Variants in MRAP2 observed in about 807,000 individuals in gnomAD.
MRAP2 encodes the protein melanocortin 2 receptor accessory protein 2.
Under a neutral mutation model 17.4 loss-of-function variants are expected in MRAP2, and 20 were observed. The ratio of observed to expected loss-of-function variants is 1.15; its 90% confidence interval spans 0.81 to 1.67. MRAP2 has a LOEUF of 1.67. MRAP2 is among the 40% of genes most tolerant of loss of function. MRAP2 has a pLI of 0.00. For missense variants in MRAP2, 238 were observed against 240.0 expected (o/e 0.99, Z 0.05); for synonymous variants, 96 against 88.4 (o/e 1.09, Z -0.48).
At chr6:84,067,321 G>A (rs1425094188) in intron 3 of MRAP2, among the ~76,000 whole-genome samples, 1 of 152,176 alleles carries the variant, frequency 6.6e-6, no homozygotes, top group African/African-American at 2.4e-5. Flanking sequence ...TTGCAATTGT[G>A]AATTGTGCTG....
At chr6:84,125,929 C>T in the MRAP2 span, among the ~76,000 whole-genome samples, 1 of 152,166 alleles carries the variant, frequency 6.6e-6, no homozygotes, top group Non-Finnish European at 1.5e-5. Context: ...AAAAACACAT[C>T]ATGCCCTTAC....
intron 1 of MRAP2, among the ~76,000 whole-genome samples, chr6:84,045,542 C>T (rs1375072457): frequency 1.3e-5 from 2 of 151,768 alleles, no homozygotes. Context: ...GTGGGTGAAT[C>T]GCTTGAGGCC....
In MRAP2 at chr6:84,035,427, G is replaced by A. The variant is rs534108565; in HGVS notation, c.-8+1544G>A. 2.7e-4 allele frequency: 268 copies of A among 984,580 alleles called. 1 individual carries two copies. The highest frequency in any genetic ancestry group is 3.1e-4 in the Non-Finnish European group (260 of 829,322). 61.0% of individuals were successfully genotyped at this position (984,580 alleles called of 1,614,324 possible). A position where few individuals can be genotyped will look rare whatever the true frequency, so the allele number is the denominator to read the frequency against. On this transcript the variant is annotated intron_variant, in intron 1 of 3. Coordinates refer to ENST00000257776, the MANE Select transcript of MRAP2 (RefSeq NM_138409.4). ...CTTCCCTTTTCTAGCAATCTACTGG[G>A]ATATAGATCAGGGTATGCTGTATCC...
At chr6:84,116,349 C>T in the MRAP2 span, among the ~76,000 whole-genome samples, 9 of 152,230 alleles carry the variant, frequency 5.9e-5, no homozygotes, top group East Asian at 1.7e-3. Flanking sequence ...CTCATGAGAT[C>T]TGATGGTTTT....
chr6:84,089,007 G>C, intron 3 of MRAP2, 84 bp from the exon 4 acceptor site: 1 of 1,460,232 alleles, frequency 6.8e-7, no homozygotes, highest in Non-Finnish European at 9.2e-7. Context: ...AAATGTGCTG[G>C]CCTGCCCTAC....
chr6:84,123,253 C>CA, the MRAP2 span, among the ~76,000 whole-genome samples: 30,616 of 119,260 alleles, frequency 0.26, 4,201 homozygotes, highest in East Asian at 0.5. Context: ...CGCCCAACTC[C>CA]AAAAAAAAAA....
chr6:84,125,324 G>C, the MRAP2 span: 1 of 1,514,034 alleles, frequency 6.6e-7, no homozygotes, highest in Non-Finnish European at 9.1e-7. Flanking sequence ...ATAGTGGTGG[G>C]TGAGGAACAT....
chr6:84,100,352 TC>T, the MRAP2 span, among the ~76,000 whole-genome samples: 7 of 152,140 alleles, frequency 4.6e-5, no homozygotes, highest in African/African-American at 1.7e-4. Flanking sequence ...AGCCTCAACT[TC>T]CCTGGGCTCA....
downstream of MRAP2, chr6:84,091,017 T>TA (rs2099501680): frequency 6.6e-6 from 1 of 152,198 alleles, no homozygotes; most frequent in Non-Finnish European, 1.5e-5. Context: ...TCTGGTGATC[T>TA]GAGCCATGCA....
At chr6:84,093,876 G>A (rs972486978), downstream of MRAP2, among the ~76,000 whole-genome samples, 6 of 152,164 alleles carry the variant, frequency 3.9e-5, no homozygotes, top group Non-Finnish European at 5.9e-5. Context: ...AGGAACTTGC[G>A]GTTAACAGCT....
Position 84,089,405 on chromosome 6 carries a change from ATCT to A in MRAP2, c.546_548del (p.Leu183del). ...GACCAGAACTACTTTGGGGAGGATG[ATCT>A]TCTGATTTCTGAACCACCTATTGTT... On this transcript the variant is annotated inframe_deletion, in exon 4 of 4. Transcript: ENST00000257776. The A allele has an allele frequency of 2.5e-6, 4 of 1,614,156 alleles. No individual in the cohort carries two copies. Among genetic ancestry groups the A allele is most frequent in the South Asian group, 1.1e-5 (1 of 91,086 alleles).
At chr6:84,061,473 G>C (rs2099493151) in intron 2 of MRAP2, among the ~76,000 whole-genome samples, 1 of 152,212 alleles carries the variant, frequency 6.6e-6, no homozygotes. Context: ...ATCCAAGATA[G>C]GACCAAGGAG....
At chr6:84,119,792 C>T in the MRAP2 span, among the ~76,000 whole-genome samples, 2 of 152,152 alleles carry the variant, frequency 1.3e-5, no homozygotes, top group Non-Finnish European at 2.9e-5. Flanking sequence ...GTTCCCTGTA[C>T]TGTTGGAAAT....
chr6:84,062,037 A>G, intron 2 of MRAP2: 1 of 985,476 alleles, frequency 1.0e-6, no homozygotes, highest in Non-Finnish European at 1.2e-6. Flanking sequence ...GCAAGAAGTA[A>G]TGAGAGCCTG....
At chr6:84,063,394 T>C (rs979703483) in intron 3 of MRAP2, 1 of 985,282 alleles carries the variant, frequency 1.0e-6, no homozygotes, top group Non-Finnish European at 1.2e-6. Flanking sequence ...AAAAATTATT[T>C]CAAGAAGCAG....
chr6:84,079,057 A>C (rs1041882002), intron 3 of MRAP2, among the ~76,000 whole-genome samples: 1 of 152,202 alleles, frequency 6.6e-6, no homozygotes, highest in Admixed American at 6.5e-5. Flanking sequence ...TTCTATTCTT[A>C]GGTATTTATT....
Position 84,047,462 on chromosome 6 carries a change from G to A in MRAP2, c.-7-7850G>A, listed in dbSNP as rs144926802. 8.1e-3 allele frequency among the ~76,000 whole-genome samples: 1,223 copies of A among 151,266 alleles called. 19 individuals carry two copies. Among genetic ancestry groups the A allele is most frequent in the African/African-American group, 0.028 (1,138 of 41,250 alleles). ...CTGCCTTGGCTTCCCAAAGTACTGG[G>A]ATTACAGGCATGATCCACCAAGCCT... On this transcript the variant is annotated intron_variant, in intron 1 of 3. Coordinates refer to ENST00000257776, the MANE Select transcript of MRAP2 (RefSeq NM_138409.4).
chr6:84,052,256 T>C (rs1460608932), intron 1 of MRAP2, among the ~76,000 whole-genome samples: 1 of 152,124 alleles, frequency 6.6e-6, no homozygotes, highest in Non-Finnish European at 1.5e-5. Flanking sequence ...CCTGCTGTTG[T>C]GTTCAAGAGA....
the MRAP2 span, among the ~76,000 whole-genome samples, chr6:84,134,837 AATTAT>A: frequency 0.015 from 2,253 of 152,136 alleles, 46 homozygotes; most frequent in African/African-American, 0.05. Context: ...TTTGATAAAT[AATTAT>A]ATTATAATGC....
Sources: allele counts gnomAD v4.1 joint callset (sites outside exome capture counted in the v4.1 genomes callset), GRCh38; gene constraint gnomAD v4.1.1; transcripts MANE v1.5; gene names NCBI Gene and HGNC (gene_info 2026-07-23, HGNC 2026-07-21).